Variants in ARFGEF1 observed in about 807,000 individuals in gnomAD.
ARFGEF1 encodes ARF guanine nucleotide exchange factor 1.
Under a neutral mutation model 231.0 loss-of-function variants are expected in ARFGEF1, and 42 were observed. The observed-to-expected ratio is 0.18, with a 90% CI of 0.14 to 0.24. ARFGEF1 has a LOEUF of 0.24. ARFGEF1 is among the 10% of genes least tolerant of loss of function. ARFGEF1 has a pLI of 1.00. For synonymous variants in ARFGEF1, 710 were observed against 732.3 expected (o/e 0.97, Z 0.49); for missense variants, 1,345 against 2,192.0 (o/e 0.61, Z 7.72).
chr8:67,323,110 G>C (rs141265498), intron 1 of ARFGEF1, among the ~76,000 whole-genome samples: 1 of 152,208 alleles, frequency 6.6e-6, no homozygotes, highest in Non-Finnish European at 1.5e-5. Flanking sequence ...AAATTAGCCA[G>C]GCATGGTGGC....
intron 4 of ARFGEF1, among the ~76,000 whole-genome samples, chr8:67,297,241 C>T (rs1266855706): frequency 6.6e-6 from 1 of 152,114 alleles, no homozygotes; most frequent in Non-Finnish European, 1.5e-5. Flanking sequence ...CAGCAGAGCA[C>T]AGATACGTCA....
At chr8:67,195,137 TGGAGTC>T (rs1837631934), downstream of ARFGEF1, among the ~76,000 whole-genome samples, 1 of 152,218 alleles carries the variant, frequency 6.6e-6, no homozygotes, top group Non-Finnish European at 1.5e-5. Flanking sequence ...GCTAGTGCCA[TGGAGTC>T]AGCTTACTCA....
chr8:67,299,312 C>T lies in ARFGEF1; in HGVS notation c.356G>A (p.Ser119Asn). 2.5e-6 allele frequency: 4 copies of T among 1,608,208 alleles called. No homozygotes were observed. The highest frequency in any genetic ancestry group is 3.4e-6 in the Non-Finnish European group (4 of 1,178,398). The change falls in exon 4 of 39, where the codon AGT (serine) becomes AAT (asparagine). Residue 119 changes from serine (S) to asparagine (N), a missense_variant. Physicochemically the swap from Ser to Asn is conservative, Grantham distance 46. Coordinates refer to ENST00000262215, the MANE Select transcript of ARFGEF1 (RefSeq NM_006421.5). ...AATTAATTTTTTGCCTGGTGTTGTACTATCTGGAGCATTGCCAGTCAAGTG... is the reference window on the plus strand; with the variant it reads ...AATTAATTTTTTGCCTGGTGTTGTATTATCTGGAGCATTGCCAGTCAAGTG... ...YGHLTGNAPD[S>N]TTPGKKLIDR...
At chr8:67,339,668 C>T (rs1808511131) in intron 1 of ARFGEF1, among the ~76,000 whole-genome samples, 3 of 151,022 alleles carry the variant, frequency 2.0e-5, no homozygotes, top group Admixed American at 6.6e-5. Flanking sequence ...TCAGGCTAAG[C>T]TAGGGCAGCC....
At chr8:67,265,253 T>G (rs1804804313) in intron 14 of ARFGEF1, among the ~76,000 whole-genome samples, 1 of 152,160 alleles carries the variant, frequency 6.6e-6, no homozygotes, top group African/African-American at 2.4e-5. Flanking sequence ...AAAAGACACC[T>G]GAACATTCAC....
intron 5 of ARFGEF1, among the ~76,000 whole-genome samples, chr8:67,295,791 T>C (rs1366796872): frequency 6.6e-6 from 1 of 152,146 alleles, no homozygotes; most frequent in African/African-American, 2.4e-5. Flanking sequence ...AATTGTACTA[T>C]GTAGGTATGT....
chr8:67,204,078 C>G (rs577532832), intron 35 of ARFGEF1, among the ~76,000 whole-genome samples: 1 of 152,206 alleles, frequency 6.6e-6, no homozygotes, highest in South Asian at 2.1e-4. Flanking sequence ...GAGAACAAAA[C>G]ATAGCAAACC....
chr8:67,302,473 G>A lies in ARFGEF1; in HGVS notation c.125-7C>T. ...GTTTCCGCTTTTATTTCCTCTGAGG[G>A]GAAAAAAAAAGAAGCATACATTAGA... On this transcript the variant is annotated splice_polypyrimidine_tract_variant and splice_region_variant and intron_variant, in intron 1 of 38. Transcript: ENST00000262215. 6.4e-7 allele frequency: 1 copy of A among 1,553,614 alleles called. No individual in the cohort carries two copies. Among genetic ancestry groups the A allele is most frequent in the Admixed American group, 2.1e-5 (1 of 48,612 alleles).
chr8:67,284,604 C>T (rs1357988919), intron 7 of ARFGEF1, among the ~76,000 whole-genome samples: 1 of 152,080 alleles, frequency 6.6e-6, no homozygotes, highest in Non-Finnish European at 1.5e-5. Context: ...GTAATGGCAT[C>T]TTGTTGGGGA....
At chr8:67,333,039 A>AC (rs1456976842) in intron 1 of ARFGEF1, among the ~76,000 whole-genome samples, 24 of 143,998 alleles carry the variant, frequency 1.7e-4, no homozygotes, top group African/African-American at 6.2e-4. Flanking sequence ...AAAATTAAAT[A>AC]CTTTTTTTTT....
At chr8:67,194,698 AAAAG>A (rs1837409754), downstream of ARFGEF1, among the ~76,000 whole-genome samples, 1 of 151,466 alleles carries the variant, frequency 6.6e-6, no homozygotes. Flanking sequence ...AAAAAAAAAA[AAAAG>A]AATATGATAT....
chr8:67,195,245 A>T, downstream of ARFGEF1: 1 of 719,760 alleles, frequency 1.4e-6, no homozygotes, highest in Non-Finnish European at 2.5e-6. Context: ...TAACCAAAAC[A>T]AACAAACAGT....
chr8:67,255,072 C>T (rs556428032), intron 17 of ARFGEF1, among the ~76,000 whole-genome samples: 1 of 152,210 alleles, frequency 6.6e-6, no homozygotes, highest in African/African-American at 2.4e-5. Context: ...AGCATTATGC[C>T]AATCAGAGGC....
At chr8:67,175,346 G>A, downstream of ARFGEF1, 1 of 1,613,430 alleles carries the variant, frequency 6.2e-7, no homozygotes, top group South Asian at 1.1e-5. Flanking sequence ...TCCTCCAAGA[G>A]ATCATCACAC....
Position 67,301,209 on chromosome 8 carries a change from C to A in ARFGEF1, c.312+15G>T. 1.3e-6 allele frequency: 2 copies of A among 1,569,916 alleles called. No individual in the cohort carries two copies. ...CAAAGTACACAGTTTTTAGAAAGTGCCATTTTAGACATACCTGTAAGCAAT... is the reference window on the plus strand; with the variant it reads ...CAAAGTACACAGTTTTTAGAAAGTGACATTTTAGACATACCTGTAAGCAAT... On this transcript the variant is annotated intron_variant, in intron 3 of 38. Coordinates refer to ENST00000262215, the MANE Select transcript of ARFGEF1 (RefSeq NM_006421.5).
intron 34 of ARFGEF1, among the ~76,000 whole-genome samples, chr8:67,205,020 A>G (rs1838462357): frequency 6.6e-6 from 1 of 152,262 alleles, no homozygotes; most frequent in South Asian, 2.1e-4. Context: ...AGTAATTTTT[A>G]AAATAAAAGT....
rs1838948846 is a variant in ARFGEF1 at position 67,216,731 on chromosome 8, AAT to A, written c.4614-71_4614-70del. The A allele has an allele frequency of 3.2e-6, 4 of 1,232,868 alleles. No homozygotes were observed. In the African/African-American group the frequency reaches 6.3e-5, roughly 19 times the overall value. 76.4% of individuals were successfully genotyped at this position (1,232,868 alleles called of 1,614,324 possible). A position where few individuals can be genotyped will look rare whatever the true frequency, so the allele number is the denominator to read the frequency against. On this transcript the variant is annotated intron_variant, in intron 32 of 38. Transcript: ENST00000262215. ...ACATGCCACATCCAGCATATTTTGA[AAT>A]GGGCCCAAGAAAGTAACAAGAACAT... is the stretch of plus-strand genomic sequence containing the variant.
At chr8:67,209,191 C>T (rs957715461) in intron 34 of ARFGEF1, among the ~76,000 whole-genome samples, 8 of 152,178 alleles carry the variant, frequency 5.3e-5, no homozygotes, top group South Asian at 2.1e-4. Flanking sequence ...CAAATACAAA[C>T]GTCCATCATC....
At chr8:67,250,487 T>C (rs921039298) in intron 19 of ARFGEF1, among the ~76,000 whole-genome samples, 4 of 152,212 alleles carry the variant, frequency 2.6e-5, no homozygotes, top group African/African-American at 9.6e-5. Flanking sequence ...AGAAATAGTG[T>C]ATCACATGGA....
Sources: gnomAD v4.1 joint callset for allele counts (sites outside exome capture counted in the v4.1 genomes callset) on GRCh38, gnomAD v4.1.1 for gene constraint, MANE v1.5 for transcripts, NCBI Gene and HGNC (gene_info 2026-07-23, HGNC 2026-07-21) for gene names.